Variants in ANKRD13B observed in about 807,000 individuals in gnomAD.
The protein encoded by ANKRD13B is ankyrin repeat domain 13B.
In ANKRD13B, 33 loss-of-function variants were observed where a neutral mutation model predicts 74.4. The observed-to-expected ratio is 0.44, with a 90% CI of 0.34 to 0.59. The LOEUF is 0.59. Ranked by LOEUF, ANKRD13B falls within the 20% of genes least tolerant of loss-of-function variation. The pLI is 0.02. For missense variants in ANKRD13B, 676 were observed against 877.9 expected (o/e 0.77, Z 2.91); for synonymous variants, 341 against 362.9 (o/e 0.94, Z 0.68).
intron 1 of ANKRD13B, among the ~76,000 whole-genome samples, chr17:29,604,582 C>G (rs746123964): frequency 8.6e-5 from 13 of 150,864 alleles, no homozygotes; most frequent in Non-Finnish European, 1.8e-4. Context: ...TGCTCTGTCA[C>G]CCAGGCCAGA....
chr17:29,593,893 T>TGTTGG (rs2033857502), intron 1 of ANKRD13B, 158 bp downstream of exon 1: 3 of 121,122 alleles, frequency 2.5e-5, no homozygotes, highest in Non-Finnish European at 2.8e-5. Flanking sequence ...CGGGAAAGGG[T>TGTTGG]GATCCCCTCC....
At chr17:29,597,564 G>A (rs897547795) in intron 1 of ANKRD13B, among the ~76,000 whole-genome samples, 6 of 152,158 alleles carry the variant, frequency 3.9e-5, no homozygotes, top group African/African-American at 1.4e-4. Flanking sequence ...CTCTTGGTGG[G>A]GAGGGCTGGG....
rs1212424571 is a variant in ANKRD13B at position 29,593,612 on chromosome 17, G to A, written c.-10G>A. 2 of 1,324,948 alleles carry A rather than the reference G, an allele frequency of 1.5e-6. No individual in the cohort carries two copies. The highest frequency in any genetic ancestry group is 2.0e-6 in the Non-Finnish European group (2 of 1,021,678). The allele number at this position is 1,324,948 out of a possible 1,614,324, so 82.1% of individuals were successfully genotyped here. ...GCCGGGCGCCGCGGCCCCGGCATGA[G>A]GAGCGGGCGATGATCCCCGCCAACG... On this transcript the variant is annotated 5_prime_UTR_variant, in exon 1 of 15. Transcript: ENST00000394859.
At chr17:29,600,342 G>T (rs997169165) in intron 1 of ANKRD13B, among the ~76,000 whole-genome samples, 1 of 152,144 alleles carries the variant, frequency 6.6e-6, no homozygotes, top group African/African-American at 2.4e-5. Flanking sequence ...CCTGTTCATT[G>T]TAGGGTCACC....
chr17:29,600,044 T>G (rs1465334687), intron 1 of ANKRD13B, among the ~76,000 whole-genome samples: 2 of 151,812 alleles, frequency 1.3e-5, no homozygotes. Context: ...GCCCAGCTAA[T>G]TTTTTGTATT....
At chr17:29,605,903 G>A (rs553633183) in intron 1 of ANKRD13B, among the ~76,000 whole-genome samples, 12 of 151,974 alleles carry the variant, frequency 7.9e-5, no homozygotes, top group Admixed American at 6.5e-4. Context: ...ACATGCATGT[G>A]GTCAGTTCAC....
intron 1 of ANKRD13B, among the ~76,000 whole-genome samples, chr17:29,602,996 G>A (rs2034237234): frequency 6.6e-6 from 1 of 152,028 alleles, no homozygotes; most frequent in African/African-American, 2.4e-5. Flanking sequence ...GACTACAGGT[G>A]CCCACCACCA....
Position 29,610,686 on chromosome 17 carries a change from T to A in ANKRD13B, c.824T>A (p.Val275Glu), listed in dbSNP as rs2150901181. Residue 275 changes from valine to glutamate, a missense_variant and splice_region_variant, in exon 8 of 15, where the codon GTG (valine) becomes GAG (glutamate). Val to Glu is a moderately radical substitution (Grantham distance 121). Coordinates refer to ENST00000394859, the MANE Select transcript of ANKRD13B (RefSeq NM_152345.5). ...AGCCCTTTCTTCATCTGTCCCCAGGTGTATGGGGCATCTAACGTGGAGCTC... is the reference window on the plus strand; with the variant it reads ...AGCCCTTTCTTCATCTGTCCCCAGGAGTATGGGGCATCTAACGTGGAGCTC... Reference protein sequence around the residue: ...TEMVNGYEAKVYGASNVELIT... With the variant: ...TEMVNGYEAKEYGASNVELIT... 6.2e-7 allele frequency: 1 copy of A among 1,613,812 alleles called. No individual in the cohort carries two copies. Among genetic ancestry groups the A allele is most frequent in the Middle Eastern group, 1.6e-4 (1 of 6,062 alleles).
At chr17:29,601,516 C>G (rs1369395706) in intron 1 of ANKRD13B, among the ~76,000 whole-genome samples, 1 of 152,196 alleles carries the variant, frequency 6.6e-6, no homozygotes, top group African/African-American at 2.4e-5. Context: ...GCCACTGTGC[C>G]TGGCCTCCTG....
intron 1 of ANKRD13B, among the ~76,000 whole-genome samples, chr17:29,604,325 C>CA (rs2034288122): frequency 6.6e-6 from 1 of 151,692 alleles, no homozygotes; most frequent in East Asian, 1.9e-4. Flanking sequence ...CCTCCTGCCT[C>CA]AGTCACTGAG....
intron 1 of ANKRD13B, 63 bp downstream of exon 1, chr17:29,593,798 AG>A: frequency 6.9e-6 from 7 of 1,021,612 alleles, no homozygotes; most frequent in South Asian, 2.9e-5. Context: ...CGGCCTGGGG[AG>A]GGGGTGCGGC....
At position 29,611,666 on chromosome 17, in the gene ANKRD13B, G is replaced by GT. The variant is rs1567794768; in HGVS notation, c.969+24dup. ...GGGGTGAGTGTGTGCAGGGGTACCC[G>GT]TAAGTGGAGGGATGTGGATGTGGCT... On this transcript the variant is annotated intron_variant, in intron 9 of 14. Coordinates refer to ENST00000394859, the MANE Select transcript of ANKRD13B (RefSeq NM_152345.5). The surrounding 1 kb of genome is among the most constrained non-coding windows in gnomAD (Gnocchi z 4.3). 6 of 1,612,182 alleles carry GT rather than the reference G, an allele frequency of 3.7e-6. No individual in the cohort carries two copies. Among genetic ancestry groups the GT allele is most frequent in the Non-Finnish European group, 5.1e-6 (6 of 1,178,232 alleles).
chr17:29,593,339 C>G lies in ANKRD13B; in HGVS notation c.-283C>G, dbSNP rs1464232464. 6.8e-6 allele frequency: 1 copy of G among 147,784 alleles called. No individual in the cohort carries two copies. The highest frequency in any genetic ancestry group is 1.5e-5 in the Non-Finnish European group (1 of 66,244). The allele number at this position is 147,784 out of a possible 1,614,324, so 9.2% of individuals were successfully genotyped here. On this transcript the variant is annotated 5_prime_UTR_variant, in exon 1 of 15. Coordinates refer to ENST00000394859, the MANE Select transcript of ANKRD13B (RefSeq NM_152345.5). ...TCTTTGTGTGCGGGGGTGTGGGAGG[C>G]GAGCGCGAGTCCGCGCAGCGCCGCC...
intron 1 of ANKRD13B, among the ~76,000 whole-genome samples, chr17:29,605,607 C>T (rs1328220883): frequency 6.6e-6 from 1 of 152,114 alleles, no homozygotes; most frequent in Non-Finnish European, 1.5e-5. Context: ...GCTGGGACTA[C>T]AGGCACAGGC....
At chr17:29,607,027 C>G (rs2034413483) in intron 1 of ANKRD13B, among the ~76,000 whole-genome samples, 1 of 151,870 alleles carries the variant, frequency 6.6e-6, no homozygotes, top group Non-Finnish European at 1.5e-5. Flanking sequence ...TCCAGCCTAG[C>G]CAACAGAGTG....
At position 29,609,375 on chromosome 17, in the gene ANKRD13B, G is replaced by C; in HGVS notation, c.776G>C (p.Gly259Ala). Residue 259 changes from glycine to alanine, a missense_variant, in exon 7 of 15, where the codon GGC (glycine) becomes GCC (alanine). By Grantham distance (60) the Gly-to-Ala change is moderately conservative (BLOSUM62 0). Around this residue, in one of 4 missense-constraint regions of ANKRD13B, gnomAD observed 328 missense variants for 518.4 expected, o/e 0.63. Coordinates refer to ENST00000394859, the MANE Select transcript of ANKRD13B (RefSeq NM_152345.5). This position sits in a 1 kb window ranked among gnomAD's most constrained non-coding sequence, Gnocchi z 4.0. Reference protein sequence around the residue: ...SFERNKTGILGWRSEKTEMVN... With the variant: ...SFERNKTGILAWRSEKTEMVN... ...CCCAGGAACAAGACTGGCATCCTGG[G>C]CTGGCGCAGTGAAAAGACGGAGATG... is the stretch of plus-strand genomic sequence containing the variant. 2 of 1,613,526 alleles carry C rather than the reference G, an allele frequency of 1.2e-6. No individual in the cohort carries two copies. The highest frequency in any genetic ancestry group is 1.7e-6 in the Non-Finnish European group (2 of 1,180,032).
intron 1 of ANKRD13B, among the ~76,000 whole-genome samples, chr17:29,598,325 G>C (rs1971157): frequency 0.36 from 55,219 of 151,984 alleles, 10,287 homozygotes; most frequent in South Asian, 0.4. Context: ...TTTGACAATG[G>C]AGTTCATGGT....
chr17:29,613,538 G>A lies in ANKRD13B; in HGVS notation c.1837G>A (p.Glu613Lys). 17 of 1,522,946 alleles carry A rather than the reference G, an allele frequency of 1.1e-5. No individual in the cohort carries two copies. The highest frequency in any genetic ancestry group is 1.5e-5 in the Non-Finnish European group (17 of 1,137,556). 94.3% of individuals were successfully genotyped at this position (1,522,946 alleles called of 1,614,324 possible). ...ERRRRARQEEEELERILRLSL... is the reference protein window; with the variant it reads ...ERRRRARQEEKELERILRLSL... ...GCGGCGGCGCGCGCGCCAGGAGGAG[G>A]AGGAGCTGGAGCGCATCCTGAGGCT... The change falls in exon 15 of 15, where the codon GAG (glutamate) becomes AAG (lysine). Residue 613 changes from glutamate (E) to lysine (K), a missense_variant. Physicochemically the swap from Glu to Lys is moderately conservative, Grantham distance 56 (BLOSUM62 1). Around this residue, in one of 4 missense-constraint regions of ANKRD13B, gnomAD observed 108 missense variants for 90.3 expected, o/e 1.20. Transcript: ENST00000394859.
At chr17:29,603,877 CTTTT>C (rs71138837) in intron 1 of ANKRD13B, among the ~76,000 whole-genome samples, 2 of 117,976 alleles carry the variant, frequency 1.7e-5, no homozygotes, top group East Asian at 2.2e-4. Flanking sequence ...TATTTTCTTT[CTTTT>C]TTTTTTTTTT....
Sources: gnomAD v4.1 joint callset for allele counts (sites outside exome capture counted in the v4.1 genomes callset) on GRCh38, gnomAD v4.1.1 for gene constraint, gnomAD v4.1.1 regional missense constraint, Gnocchi (gnomAD v3.1) non-coding constraint, MANE v1.5 for transcripts, NCBI Gene and HGNC (gene_info 2026-07-23, HGNC 2026-07-21) for gene names.